The following KLHL24 variants were observed in gnomAD, a reference collection of about 807,000 sequenced individuals.
The protein encoded by KLHL24 is kelch like family member 24.
Under a neutral mutation model 53.4 loss-of-function variants are expected in KLHL24, and 29 were observed. The ratio of observed to expected loss-of-function variants is 0.54; its 90% CI spans 0.40 to 0.74. KLHL24 has a LOEUF of 0.74. Among genes scored for constraint, KLHL24 ranks in the 30% least tolerant of loss-of-function variants. The pLI is 0.00. For missense variants in KLHL24, 504 were observed against 744.0 expected (o/e 0.68, Z 3.75); for synonymous variants, 222 against 253.7 (o/e 0.88, Z 1.19).
chr3:183,657,930 T>TA (rs1719140778), intron 3 of KLHL24, among the ~76,000 whole-genome samples: 1 of 152,162 alleles, frequency 6.6e-6, no homozygotes, highest in Non-Finnish European at 1.5e-5. Context: ...ATTCTTTGTA[T>TA]AGCTGGGCAT....
At chr3:183,676,278 T>C (rs1378940552) in intron 7 of KLHL24, among the ~76,000 whole-genome samples, 1 of 152,188 alleles carries the variant, frequency 6.6e-6, no homozygotes, top group African/African-American at 2.4e-5. Flanking sequence ...GTATTTTTAG[T>C]GGAGACAGGG....
At chr3:183,679,001 C>A in intron 7 of KLHL24, 85 bp from the exon 8 acceptor site, 1 of 1,061,640 alleles carries the variant, frequency 9.4e-7, no homozygotes. Flanking sequence ...TTTGACTGTG[C>A]TAAAGCATTA....
chr3:183,648,261 A>G (rs1179495897), intron 2 of KLHL24, among the ~76,000 whole-genome samples: 1 of 152,166 alleles, frequency 6.6e-6, no homozygotes, highest in East Asian at 1.9e-4. Flanking sequence ...TAGGAACATG[A>G]AAAAGAAGAG....
In KLHL24 at chr3:183,672,429, G is replaced by GT; in HGVS notation, c.1549dup (p.Tyr517LeufsTer5). 1 of 1,613,360 alleles carries GT rather than the reference G, an allele frequency of 6.2e-7. No homozygotes were observed. Among genetic ancestry groups the GT allele is most frequent in the Non-Finnish European group, 8.5e-7 (1 of 1,179,686 alleles). ...GGTGGACTGACCAAGGCAATATACT[G>GT]TTACGATCCAGTTGAAGATTACTGG... On this transcript the variant is annotated frameshift_variant, in exon 7 of 8. Coordinates refer to ENST00000242810, the MANE Select transcript of KLHL24 (RefSeq NM_017644.3). LOFTEE classifies it high-confidence loss of function.
intron 5 of KLHL24, 53 bp downstream of exon 5, chr3:183,665,092 C>A (rs147032317): frequency 2.2e-6 from 2 of 893,920 alleles, no homozygotes; most frequent in Admixed American, 1.8e-5. Context: ...AAAGTAAATA[C>A]CACAGCTGAA....
At chr3:183,636,500 G>T (rs973797124) in intron 1 of KLHL24, 1 of 152,158 alleles carries the variant, frequency 6.6e-6, no homozygotes, top group Non-Finnish European at 1.5e-5. Context: ...GCGTTCCGCC[G>T]GCGCAGTCCC....
At chr3:183,675,369 T>TA (rs1461968521) in intron 7 of KLHL24, among the ~76,000 whole-genome samples, 1 of 152,154 alleles carries the variant, frequency 6.6e-6, no homozygotes, top group East Asian at 1.9e-4. Context: ...AGGGACATAA[T>TA]AGGCACTTCA....
At chr3:183,672,177 T>A in intron 6 of KLHL24, 119 bp from the exon 7 acceptor site, 1 of 516,512 alleles carries the variant, frequency 1.9e-6, no homozygotes, top group Non-Finnish European at 3.2e-6. Context: ...CCTCTCTTAA[T>A]TCTCTGAATT....
intron 5 of KLHL24, 60 bp from the exon 6 acceptor site, chr3:183,670,974 C>A: frequency 8.5e-7 from 1 of 1,181,700 alleles, no homozygotes; most frequent in Non-Finnish European, 1.2e-6. Context: ...ATTCTTTAGC[C>A]AACTACTTCA....
At chr3:183,676,910 G>T (rs1393169800) in intron 7 of KLHL24, among the ~76,000 whole-genome samples, 73 of 139,500 alleles carry the variant, frequency 5.2e-4, no homozygotes, top group African/African-American at 1.3e-3. Context: ...GGGTTTTTTG[G>T]TTTTTTTTTT....
rs1393462335 is a variant in KLHL24, at chr3:183,680,681, A to T, written c.*1395A>T. On this transcript the variant is annotated 3_prime_UTR_variant, in exon 8 of 8. Transcript: ENST00000242810. The stretch of plus-strand genomic sequence containing the variant: ...TATCAGTTTTCAGAGAGGAATGTGA[A>T]TTTTTTTTCTAATGCAAATAAATGG... 2 of 151,964 alleles carry T rather than the reference A, an allele frequency of 1.3e-5. No individual in the cohort carries two copies. 9.4% of individuals were successfully genotyped at this position (151,964 alleles called of 1,614,324 possible).
At chr3:183,678,253 G>T (rs1712238556) in intron 7 of KLHL24, among the ~76,000 whole-genome samples, 1 of 152,202 alleles carries the variant, frequency 6.6e-6, no homozygotes, top group Non-Finnish European at 1.5e-5. Flanking sequence ...CCCAGCCAAG[G>T]CTCCTAATAA....
intron 1 of KLHL24, chr3:183,636,571 G>A (rs1715248350): frequency 6.6e-6 from 1 of 152,228 alleles, no homozygotes; most frequent in African/African-American, 2.4e-5. Flanking sequence ...AGTTCCTAAT[G>A]GACCCGCCCT....
At chr3:183,651,507 G>A (rs1453956820) in intron 3 of KLHL24, among the ~76,000 whole-genome samples, 2 of 152,066 alleles carry the variant, frequency 1.3e-5, no homozygotes, top group African/African-American at 4.8e-5. Context: ...TGTAGCAAAG[G>A]GTCTTTGCAA....
At chr3:183,644,408 G>A (rs370718737) in intron 2 of KLHL24, among the ~76,000 whole-genome samples, 75 of 152,278 alleles carry the variant, frequency 4.9e-4, no homozygotes, top group African/African-American at 1.6e-3. Context: ...TAATTGGAGA[G>A]TTCCCAGAAA....
intron 1 of KLHL24, among the ~76,000 whole-genome samples, chr3:183,641,544 A>T (rs73054453): frequency 6.8e-6 from 1 of 147,612 alleles, no homozygotes; most frequent in Admixed American, 6.8e-5. Context: ...TTGAGTTACT[A>T]TATATCTTTC....
At chr3:183,640,283 A>G (rs2108758484) in intron 1 of KLHL24, among the ~76,000 whole-genome samples, 1 of 152,320 alleles carries the variant, frequency 6.6e-6, no homozygotes, top group South Asian at 2.1e-4. Flanking sequence ...GGGGAATATC[A>G]GTAGCCAGAA....
rs1219506946 is a variant in KLHL24, at chr3:183,682,737, A to C, written c.*3451A>C. On this transcript the variant is annotated 3_prime_UTR_variant, in exon 8 of 8. Transcript: ENST00000242810. ...AGCCTTTTTGAAACTCAGGAAAGAC[A>C]AAGGTTCAATTACACCACTTTTGTC... 1 of 152,580 alleles carries C rather than the reference A, an allele frequency of 6.6e-6. No homozygotes were observed. Among genetic ancestry groups the C allele is most frequent in the Middle Eastern group, 3.2e-3 (1 of 316 alleles). 9.5% of individuals were successfully genotyped at this position (152,580 alleles called of 1,614,324 possible).
intron 6 of KLHL24, 105 bp downstream of exon 6, chr3:183,671,327 T>G: frequency 1.0e-6 from 1 of 973,332 alleles, no homozygotes; most frequent in Non-Finnish European, 1.5e-6. Flanking sequence ...AGGGGTCTTT[T>G]AAAAATTTTC....
Sources: allele counts gnomAD v4.1 joint callset (sites outside exome capture counted in the v4.1 genomes callset), GRCh38; gene constraint gnomAD v4.1.1; transcripts MANE v1.5; gene names NCBI Gene and HGNC (gene_info 2026-07-23, HGNC 2026-07-21).